TNFSF4: variants seen among roughly 807,000 people sequenced by gnomAD.
TNFSF4 encodes TNF superfamily member 4, also known as tumor necrosis factor ligand superfamily member 4.
In TNFSF4, 4 loss-of-function variants were observed where a neutral mutation model predicts 7.3. That is an observed-to-expected ratio of 0.55 (90% CI 0.27 to 1.25). The LOEUF (loss-of-function observed/expected upper bound fraction) is 1.25. Among genes scored for constraint, TNFSF4 ranks in the 50% most tolerant of loss-of-function variants. The probability of loss-of-function intolerance (pLI) is 0.12; values close to 1 mark genes in which losing one functional copy is unlikely to be tolerated. For missense variants in TNFSF4, 181 were observed against 208.8 expected, an observed-to-expected ratio of 0.87 and a Z score of 0.82; for synonymous variants, 76 against 83.7, an observed-to-expected ratio of 0.91 and a Z score of 0.50.
At chr1:173,394,216 T>TAAAAAAA in the TNFSF4 span, among the ~76,000 whole-genome samples, 259 of 112,558 alleles carry the variant, frequency 2.3e-3, 2 homozygotes, top group African/African-American at 7.9e-3. Flanking sequence ...ACTCCATCTT[T>TAAAAAAA]AAAAAAAAAA....
chr1:173,420,642 A>G, the TNFSF4 span, among the ~76,000 whole-genome samples: 1 of 152,242 alleles, frequency 6.6e-6, no homozygotes, highest in Admixed American at 6.5e-5. Context: ...ATTTCAAAAG[A>G]AAAGAAAGTA....
chr1:173,412,118 A>G, the TNFSF4 span, among the ~76,000 whole-genome samples: 12 of 20,512 alleles, frequency 5.9e-4, no homozygotes, highest in African/African-American at 1.1e-3. Flanking sequence ...CCATCTCAAG[A>G]AAAAAAAAAA....
chr1:173,298,693 A>G, the TNFSF4 span, among the ~76,000 whole-genome samples: 1 of 151,918 alleles, frequency 6.6e-6, no homozygotes, highest in Non-Finnish European at 1.5e-5. Context: ...AGTGTACAAA[A>G]GGCCTTTACA....
chr1:173,206,547 T>C (rs1462260712), intron 1 of TNFSF4, among the ~76,000 whole-genome samples: 1 of 152,230 alleles, frequency 6.6e-6, no homozygotes, highest in Non-Finnish European at 1.5e-5. Context: ...ATTGCTCCGC[T>C]ATTAATATTG....
At chr1:173,188,762 G>T (rs150599092) in intron 1 of TNFSF4, among the ~76,000 whole-genome samples, 193 bp from the exon 2 acceptor site, 13 of 152,246 alleles carry the variant, frequency 8.5e-5, no homozygotes, top group Non-Finnish European at 1.6e-4. Flanking sequence ...ACCCAGGCTG[G>T]AGTGCAGTGA....
chr1:173,208,628 ATAGACTCC>A (rs1206714547), upstream of TNFSF4, among the ~76,000 whole-genome samples: 1 of 152,214 alleles, frequency 6.6e-6, no homozygotes, highest in Non-Finnish European at 1.5e-5. Context: ...GCACAATATC[ATAGACTCC>A]AAGCCAAAAC....
At chr1:173,369,402 T>C in the TNFSF4 span, among the ~76,000 whole-genome samples, 1 of 152,230 alleles carries the variant, frequency 6.6e-6, no homozygotes, top group Non-Finnish European at 1.5e-5. Flanking sequence ...TTTTTGAGAA[T>C]GCTTCGGTAA....
chr1:173,329,601 A>AT, the TNFSF4 span, among the ~76,000 whole-genome samples: 2 of 152,078 alleles, frequency 1.3e-5, no homozygotes, highest in South Asian at 2.1e-4. Flanking sequence ...GTTTTAGGGG[A>AT]TTTTTTTCAC....
chr1:173,291,728 A>C, the TNFSF4 span, among the ~76,000 whole-genome samples: 2 of 152,002 alleles, frequency 1.3e-5, no homozygotes, highest in Non-Finnish European at 2.9e-5. Context: ...TTGAAAGAAT[A>C]AGCAAGATTA....
the TNFSF4 span, among the ~76,000 whole-genome samples, chr1:173,237,075 C>T: frequency 1.5e-4 from 23 of 152,102 alleles, no homozygotes; most frequent in Non-Finnish European, 2.8e-4. Flanking sequence ...GTTTTATAAA[C>T]GGGAGTTGTC....
chr1:173,228,576 G>A, the TNFSF4 span, among the ~76,000 whole-genome samples: 6 of 152,332 alleles, frequency 3.9e-5, no homozygotes, highest in South Asian at 8.3e-4. Context: ...AAAGCTGGAC[G>A]GAGAATGACT....
chr1:173,406,392 A>G, the TNFSF4 span, among the ~76,000 whole-genome samples: 101 of 152,276 alleles, frequency 6.6e-4, no homozygotes, highest in African/African-American at 1.9e-3. Context: ...TACTTATTTC[A>G]CAAAAATTAT....
chr1:173,193,768 C>CAAAAAAAAAAA (rs34461114), intron 1 of TNFSF4, among the ~76,000 whole-genome samples: 3 of 101,918 alleles, frequency 2.9e-5, no homozygotes, highest in Admixed American at 9.9e-5. Context: ...ATAAGTGAAG[C>CAAAAAAAAAAA]AAAAAAAAAA....
the TNFSF4 span, among the ~76,000 whole-genome samples, chr1:173,431,620 T>C: frequency 1.3e-5 from 2 of 152,284 alleles, no homozygotes; most frequent in African/African-American, 4.8e-5. Context: ...AGATTCTTTT[T>C]TACTCATTTC....
upstream of TNFSF4, among the ~76,000 whole-genome samples, chr1:173,211,006 G>A (rs1039360468): frequency 2.6e-5 from 4 of 152,226 alleles, no homozygotes; most frequent in Admixed American, 1.3e-4. Context: ...CCCGCAGGGG[G>A]TGCCTTGTTC....
chr1:173,196,089 G>T (rs988797717), intron 1 of TNFSF4, among the ~76,000 whole-genome samples: 2 of 152,172 alleles, frequency 1.3e-5, no homozygotes, highest in African/African-American at 2.4e-5. Context: ...TGAGAGGATA[G>T]ATCCTTATCT....
the TNFSF4 span, among the ~76,000 whole-genome samples, chr1:173,263,080 A>G: frequency 6.6e-6 from 1 of 152,196 alleles, no homozygotes; most frequent in Non-Finnish European, 1.5e-5. Context: ...ACAGCTAACA[A>G]GTGAAAGATC....
the TNFSF4 span, among the ~76,000 whole-genome samples, chr1:173,403,006 C>T: frequency 2.6e-5 from 4 of 152,240 alleles, no homozygotes; most frequent in African/African-American, 9.6e-5. Flanking sequence ...GTGCTCACCA[C>T]GATACCCAGC....
the TNFSF4 span, among the ~76,000 whole-genome samples, chr1:173,414,971 T>G: frequency 6.6e-6 from 1 of 152,194 alleles, no homozygotes; most frequent in Non-Finnish European, 1.5e-5. Context: ...GTTAAGTCCA[T>G]TTACTGAGAT....
Sources: gnomAD v4.1 joint callset for allele counts (sites outside exome capture counted in the v4.1 genomes callset) on GRCh38, gnomAD v4.1.1 for gene constraint, MANE v1.5 for transcripts, NCBI Gene and HGNC (gene_info 2026-07-23, HGNC 2026-07-21) for gene names.